Variants in ZNF282 observed in about 807,000 individuals in gnomAD.
The protein encoded by ZNF282 is HTLV-I U5 repressive element-binding protein 1.
In ZNF282, 30 loss-of-function variants were observed where a neutral mutation model predicts 61.9. The observed-to-expected ratio is 0.48, with a 90% confidence interval of 0.36 to 0.66. The LOEUF is 0.66. Among genes scored for constraint, ZNF282 ranks in the 30% least tolerant of loss-of-function variants. The pLI is 0.00. For synonymous variants in ZNF282, 396 were observed against 405.0 expected (o/e 0.98, Z 0.27); for missense variants, 788 against 941.4 (o/e 0.84, Z 2.13).
At chr7:149,200,006 T>C (rs1030129052) in intron 2 of ZNF282, among the ~76,000 whole-genome samples, 1 of 152,178 alleles carries the variant, frequency 6.6e-6, no homozygotes, top group African/African-American at 2.4e-5. Flanking sequence ...TTTAAAAACA[T>C]TTTTTTAGTT....
intron 7 of ZNF282, among the ~76,000 whole-genome samples, chr7:149,217,231 A>G (rs1796171283): frequency 6.6e-6 from 1 of 152,170 alleles, no homozygotes; most frequent in Admixed American, 6.5e-5. Context: ...ACAGTATTGT[A>G]AGCACTTAGA....
At position 149,198,473 on chromosome 7, in the gene ZNF282, G is replaced by C. The variant is rs150660033; in HGVS notation, c.306G>C (p.Val102=). 1 of 1,614,234 alleles carries C rather than the reference G, an allele frequency of 6.2e-7. No individual in the cohort carries two copies. Among genetic ancestry groups the C allele is most frequent in the African/African-American group, 1.3e-5 (1 of 75,056 alleles). Residue 102 remains valine, a synonymous_variant, in exon 2 of 8, where the codon GTG becomes GTC. Transcript: ENST00000610704. The surrounding 1 kb of genome is among the most constrained non-coding windows in gnomAD (Gnocchi z 4.3). ...PTAEISLWTV[V]AAIQAVERKV... is the part of the protein sequence containing the mutation. ...CAGAGATCTCACTCTGGACTGTGGT[G>C]GCTGCCATTCAGGCTGTGGAGAGGA... is the stretch of plus-strand genomic sequence containing the variant.
In ZNF282 at chr7:149,224,028, C is replaced by T. The variant is rs1305578228; in HGVS notation, c.1397C>T (p.Pro466Leu). The T allele has an allele frequency of 1.4e-5, 17 of 1,204,232 alleles. No homozygotes were observed. The South Asian group carries it at 2.6e-4, about 18-fold the overall frequency. 74.6% of individuals were successfully genotyped at this position (1,204,232 alleles called of 1,614,324 possible). ...GAGCGTGGCTCCGGCGAGGCGCCGC[C>T]GGGTGGGGACCGCAGCACCGGGGGC... is the stretch of plus-strand genomic sequence containing the variant. The part of the protein sequence containing the change: ...PGERGSGEAP[P>L]GGDRSTGGGG... Residue 466 changes from proline (P) to leucine (L), a missense_variant, in exon 8 of 8, where the codon CCG becomes CTG. By Grantham distance (98) the Pro-to-Leu change is moderately conservative. Transcript: ENST00000610704.
chr7:149,213,568 C>A, intron 6 of ZNF282, 133 bp from the exon 7 acceptor site: 1 of 663,482 alleles, frequency 1.5e-6, no homozygotes, highest in Non-Finnish European at 2.7e-6. Flanking sequence ...GGAGGATGGC[C>A]TGGAAATGCA....
chr7:149,220,217 G>C (rs1796221480), intron 7 of ZNF282, among the ~76,000 whole-genome samples: 1 of 152,102 alleles, frequency 6.6e-6, no homozygotes, highest in African/African-American at 2.4e-5. Flanking sequence ...GACCATCCTG[G>C]CTAACACGGT....
chr7:149,212,674 G>T, intron 6 of ZNF282, among the ~76,000 whole-genome samples: 1 of 152,120 alleles, frequency 6.6e-6, no homozygotes, highest in East Asian at 1.9e-4. Context: ...TCCGTTTCCC[G>T]GGTTTAAGCG....
chr7:149,210,949 C>T (rs1321641947), intron 5 of ZNF282, among the ~76,000 whole-genome samples: 2 of 152,234 alleles, frequency 1.3e-5, no homozygotes, highest in African/African-American at 4.8e-5. Context: ...CTCTCTTCCT[C>T]ATATTATCCG....
intron 7 of ZNF282, among the ~76,000 whole-genome samples, chr7:149,220,183 C>T (rs149624784): frequency 0.053 from 7,995 of 152,138 alleles, 259 homozygotes; most frequent in Non-Finnish European, 0.069. Context: ...CCGAGACGGG[C>T]GGATCCTGAG....
At chr7:149,204,372 G>A (rs1381306415) in intron 2 of ZNF282, among the ~76,000 whole-genome samples, 2 of 152,198 alleles carry the variant, frequency 1.3e-5, no homozygotes, top group African/African-American at 4.8e-5. Context: ...TGCATAGATG[G>A]TGAAGAGGAA....
intron 4 of ZNF282, among the ~76,000 whole-genome samples, chr7:149,209,135 G>A (rs1202419): frequency 0.28 from 42,235 of 151,304 alleles, 6,428 homozygotes; most frequent in African/African-American, 0.39. Flanking sequence ...TGGCTAACAC[G>A]GTGAAACCGT....
At chr7:149,220,927 T>TG (rs1554471494) in intron 7 of ZNF282, among the ~76,000 whole-genome samples, 1 of 107,660 alleles carries the variant, frequency 9.3e-6, no homozygotes, top group Non-Finnish European at 2.1e-5. Flanking sequence ...GTTTTTTTTT[T>TG]TTTTTTTTTT....
chr7:149,206,955 C>A, intron 3 of ZNF282, 133 bp downstream of exon 3: 1 of 1,264,050 alleles, frequency 7.9e-7, no homozygotes, highest in Non-Finnish European at 1.1e-6. Flanking sequence ...AAACCATTTG[C>A]TTATAATGCT....
At chr7:149,200,605 A>AT (rs761285710) in intron 2 of ZNF282, among the ~76,000 whole-genome samples, 1 of 150,934 alleles carries the variant, frequency 6.6e-6, no homozygotes, top group African/African-American at 2.4e-5. Context: ...TTATTTATTT[A>AT]TTTTTTTTGA....
chr7:149,198,417 C>T lies in ZNF282; in HGVS notation c.250C>T (p.Arg84Cys), dbSNP rs768927441. 24 of 1,614,080 alleles carry T rather than the reference C, an allele frequency of 1.5e-5. No individual in the cohort carries two copies. The Admixed American group carries it at 1.7e-4, about 11-fold the overall frequency. Reference protein sequence around the residue: ...FPDRAPVFPDRMMREPQLPTA... With the variant: ...FPDRAPVFPDCMMREPQLPTA... ...AGATAGGGCACCTGTCTTCCCCGAC[C>T]GCATGATGCGAGAGCCCCAGTTGCC... Residue 84 changes from arginine to cysteine, a missense_variant, in exon 2 of 8, where the codon CGC (arginine) becomes TGC (cysteine). Around this residue, in one of 3 missense-constraint regions of ZNF282, gnomAD observed 137 missense variants for 135.4 expected, o/e 1.01. Transcript: ENST00000610704. This position sits in a 1 kb window ranked among gnomAD's most constrained non-coding sequence, Gnocchi z 4.3.
chr7:149,218,445 A>G (rs1796191989), intron 7 of ZNF282, among the ~76,000 whole-genome samples: 1 of 152,180 alleles, frequency 6.6e-6, no homozygotes, highest in African/African-American at 2.4e-5. Context: ...AGCCCTGGAA[A>G]AGAACCTGTG....
chr7:149,220,173 C>T (rs1464839330), intron 7 of ZNF282, among the ~76,000 whole-genome samples: 2 of 152,112 alleles, frequency 1.3e-5, no homozygotes, highest in African/African-American at 4.8e-5. Flanking sequence ...CTTTGAGAGG[C>T]CGAGACGGGC....
At chr7:149,217,581 G>A (rs1796178898) in intron 7 of ZNF282, among the ~76,000 whole-genome samples, 1 of 151,886 alleles carries the variant, frequency 6.6e-6, no homozygotes, top group African/African-American at 2.4e-5. Context: ...AAAATTGGGA[G>A]TGAAGAAAGA....
chr7:149,220,275 C>CG (rs1429359181), intron 7 of ZNF282, among the ~76,000 whole-genome samples: 1 of 150,876 alleles, frequency 6.6e-6, no homozygotes, highest in Non-Finnish European at 1.5e-5. Flanking sequence ...CTGGCGTAGT[C>CG]GTGGTGGGCG....
rs55893383 is a variant in ZNF282 at position 149,224,832 on chromosome 7, C to T, written c.*185C>T. On this transcript the variant is annotated 3_prime_UTR_variant, in exon 8 of 8. Transcript: ENST00000610704. ...GTCTGGTCTGAATGGACGCCCAGCT[C>T]ATCTAGGGTGGACCCAGCTGCTGGG... 0.12 allele frequency: 138,599 copies of T among 1,131,882 alleles called. 9,399 individuals are homozygous for T. The highest frequency in any genetic ancestry group is 0.13 in the South Asian group (7,971 of 59,118). 70.1% of individuals were successfully genotyped at this position (1,131,882 alleles called of 1,614,324 possible).
Sources: allele counts gnomAD v4.1 joint callset (sites outside exome capture counted in the v4.1 genomes callset), GRCh38; gene constraint gnomAD v4.1.1; regional missense constraint gnomAD v4.1.1; non-coding constraint Gnocchi (gnomAD v3.1); transcripts MANE v1.5; gene names NCBI Gene and HGNC (gene_info 2026-07-23, HGNC 2026-07-21).